Variants in DMD observed in about 807,000 individuals in gnomAD.
DMD encodes the protein dystrophin.
DMD carries 63 observed loss-of-function variants against 330.1 expected under a neutral mutation model. That is an observed-to-expected ratio of 0.19 (90% CI 0.16 to 0.24). The LOEUF (loss-of-function observed/expected upper bound fraction) is 0.24. Among genes scored for constraint, DMD ranks in the 10% least tolerant of loss-of-function variants. DMD has a pLI of 1.00. For synonymous variants in DMD, 1,223 were observed against 959.8 expected (o/e 1.27, Z -5.07); for missense variants, 3,344 against 2,684.1 (o/e 1.25, Z -5.43).
At chrX:32,108,741 T>C (rs2096576027) in intron 44 of DMD, among the ~76,000 whole-genome samples, 1 of 111,789 alleles carries the variant, frequency 8.9e-6, no homozygotes, top group Non-Finnish European at 1.9e-5. Flanking sequence ...AGTCTGAAAC[T>C]CTCTACCCCA....
At chrX:31,923,915 G>A (rs1390032148) in intron 47 of DMD, among the ~76,000 whole-genome samples, 3 of 111,630 alleles carry the variant, frequency 2.7e-5, no homozygotes, top group Admixed American at 9.5e-5. Flanking sequence ...ATATAATAGC[G>A]TTTTAGCACA....
chrX:32,583,301 A>T (rs1159699190), intron 13 of DMD, among the ~76,000 whole-genome samples: 1 of 111,341 alleles, frequency 9.0e-6, no homozygotes, highest in Non-Finnish European at 1.9e-5. Context: ...TTCAAGACCA[A>T]CCTGACCAAC....
intron 55 of DMD, among the ~76,000 whole-genome samples, chrX:31,531,724 T>C (rs2073851824): frequency 9.1e-6 from 1 of 109,874 alleles, no homozygotes; most frequent in South Asian, 3.9e-4. Flanking sequence ...CCATTGCTTT[T>C]GAAAAACTTT....
intron 59 of DMD, among the ~76,000 whole-genome samples, chrX:31,461,993 C>T (rs1017257376): frequency 9.0e-6 from 1 of 111,536 alleles, no homozygotes; most frequent in African/African-American, 3.3e-5. Flanking sequence ...GCAGCAGAGC[C>T]CAAGAGCCAA....
At chrX:31,232,090 A>C (rs1032935739) in intron 63 of DMD, among the ~76,000 whole-genome samples, 6 of 105,181 alleles carry the variant, frequency 5.7e-5, no homozygotes, top group African/African-American at 2.1e-4. Flanking sequence ...TTAAAAAAAA[A>C]AAAAAAAAAA....
intron 13 of DMD, among the ~76,000 whole-genome samples, chrX:32,584,555 G>A (rs1320465763): frequency 1.8e-5 from 2 of 111,701 alleles, no homozygotes; most frequent in Non-Finnish European, 3.8e-5. Context: ...GTAAAATGTG[G>A]TATATTCATA....
At chrX:31,274,520 G>A (rs2051931829) in intron 62 of DMD, among the ~76,000 whole-genome samples, 1 of 111,207 alleles carries the variant, frequency 9.0e-6, no homozygotes, top group Admixed American at 9.6e-5. Context: ...ACAAAGACAG[G>A]GATCCATAAA....
chrX:32,408,681 T>A (rs1003464724), intron 30 of DMD, among the ~76,000 whole-genome samples: 9 of 111,855 alleles, frequency 8.0e-5, no homozygotes, highest in African/African-American at 2.9e-4. Context: ...TTCATACATT[T>A]TTTCCTGCTT....
At chrX:32,168,387 T>G (rs907997428) in intron 44 of DMD, among the ~76,000 whole-genome samples, 1 of 110,632 alleles carries the variant, frequency 9.0e-6, no homozygotes, top group Non-Finnish European at 1.9e-5. Context: ...TGATATCTGC[T>G]TTCAGCCTTA....
At chrX:32,809,943 A>AAAAAAAAG (rs2077242116) in intron 6 of DMD, among the ~76,000 whole-genome samples, 1 of 83,972 alleles carries the variant, frequency 1.2e-5, no homozygotes, top group African/African-American at 4.8e-5. Context: ...AAAAAAAAAA[A>AAAAAAAAG]AAAGAAAGAA....
chrX:31,951,607 C>T (rs2095181147), intron 45 of DMD, among the ~76,000 whole-genome samples: 1 of 110,793 alleles, frequency 9.0e-6, no homozygotes, highest in South Asian at 3.7e-4. Context: ...TAAGTTCAAA[C>T]TAATTTAACA....
intron 19 of DMD, among the ~76,000 whole-genome samples, chrX:32,495,476 G>A (rs1183279460): frequency 9.0e-6 from 1 of 111,694 alleles, no homozygotes; most frequent in Non-Finnish European, 1.9e-5. Context: ...GGATGGAGAG[G>A]ATGGTCACGT....
chrX:32,683,262 A>G (rs924316931), intron 9 of DMD, among the ~76,000 whole-genome samples: 3 of 110,790 alleles, frequency 2.7e-5, no homozygotes, highest in Non-Finnish European at 3.8e-5. Flanking sequence ...AGAACTAGAA[A>G]TACCACTTGA....
chrX:32,974,445 T>C (rs955042725), intron 2 of DMD, among the ~76,000 whole-genome samples: 16 of 111,769 alleles, frequency 1.4e-4, no homozygotes, highest in African/African-American at 4.5e-4. Flanking sequence ...TTTTACAGTA[T>C]GTGAATAATA....
chrX:32,600,545 C>A (rs1032791431), intron 12 of DMD, among the ~76,000 whole-genome samples: 2 of 102,523 alleles, frequency 2.0e-5, no homozygotes, highest in Admixed American at 2.2e-4. Flanking sequence ...TCATTGAATA[C>A]CCAACAGCTA....
At chrX:32,673,642 C>T (rs2061773405) in intron 9 of DMD, among the ~76,000 whole-genome samples, 1 of 111,681 alleles carries the variant, frequency 9.0e-6, no homozygotes, top group Admixed American at 9.5e-5. Context: ...AACTATAGTG[C>T]TTCCCTAAAG....
intron 55 of DMD, among the ~76,000 whole-genome samples, chrX:31,602,868 T>C (rs1454069965): frequency 8.9e-6 from 1 of 112,031 alleles, no homozygotes; most frequent in Non-Finnish European, 1.9e-5. Flanking sequence ...TTGTCTCCAA[T>C]AGAAGATTGA....
chrX:32,477,935 T>C (rs1186162392), intron 21 of DMD, among the ~76,000 whole-genome samples: 1 of 111,863 alleles, frequency 8.9e-6, no homozygotes, highest in Non-Finnish European at 1.9e-5. Context: ...TATTGGACAG[T>C]TCATACAAAA....
chrX:32,057,610 A>C (rs894766854), intron 44 of DMD, among the ~76,000 whole-genome samples: 1 of 112,088 alleles, frequency 8.9e-6, no homozygotes, highest in African/African-American at 3.2e-5. Flanking sequence ...AAAGAAATTG[A>C]AGATGACAAA....
Sources: gnomAD v4.1 joint callset for allele counts (sites outside exome capture counted in the v4.1 genomes callset) on GRCh38, gnomAD v4.1.1 for gene constraint, MANE v1.5 for transcripts, NCBI Gene and HGNC (gene_info 2026-07-23, HGNC 2026-07-21) for gene names.